The following STRIP2 variants were observed in gnomAD, a reference collection of about 807,000 sequenced individuals.
STRIP2 encodes the protein striatin interacting protein 2, also known as striatin-interacting protein 2.
A neutral mutation model predicts 107.1 loss-of-function variants in STRIP2; 84 were observed. The observed-to-expected ratio is 0.78, with a 90% CI of 0.66 to 0.94. The LOEUF (loss-of-function observed/expected upper bound fraction) is 0.94, where lower values mean the gene tolerates loss of function less well. Ranked by LOEUF, STRIP2 falls within the 40% of genes least tolerant of loss-of-function variation. STRIP2 has a pLI of 0.00. For synonymous variants in STRIP2, 394 were observed against 400.4 expected (o/e 0.98, Z 0.19); for missense variants, 888 against 1,034.2 (o/e 0.86, Z 1.94).
At position 129,453,293 on chromosome 7, in the gene STRIP2, T is replaced by G; in HGVS notation, c.476T>G (p.Leu159Arg). The change falls in exon 5 of 21, where the codon CTG becomes CGG. Residue 159 changes from leucine to arginine, a missense_variant. By Grantham distance (102) the Leu-to-Arg change is moderately radical. Coordinates refer to ENST00000249344, the MANE Select transcript of STRIP2 (RefSeq NM_020704.3). ...LHWSRYNCFL[L>R]YQMGTFSTFL... ...TGGTCCAGGTACAACTGCTTCCTGCTGTATCAGATGGGGACCTTCTCCACC... is the reference window on the plus strand; with the variant it reads ...TGGTCCAGGTACAACTGCTTCCTGCGGTATCAGATGGGGACCTTCTCCACC... The G allele has an allele frequency of 6.2e-7, 1 of 1,614,206 alleles. No homozygotes were observed. The highest frequency in any genetic ancestry group is 8.5e-7 in the Non-Finnish European group (1 of 1,180,030).
chr7:129,437,995 C>T (rs909148208), intron 1 of STRIP2, among the ~76,000 whole-genome samples: 1 of 152,140 alleles, frequency 6.6e-6, no homozygotes, highest in East Asian at 1.9e-4. Context: ...TTAGTGGAGA[C>T]GGGGTTTCAC....
rs1799106452 is a variant in STRIP2, at chr7:129,481,160, C to T, written c.2049+271C>T. On this transcript the variant is annotated intron_variant, in intron 19 of 20. Coordinates refer to ENST00000249344, the MANE Select transcript of STRIP2 (RefSeq NM_020704.3). Reference sequence around the variant, plus strand: ...ATGTTGTTTGGATTACATACATTCCCAAATGATGCAAGTGCAAGGTTTATC... The same window carrying T: ...ATGTTGTTTGGATTACATACATTCCTAAATGATGCAAGTGCAAGGTTTATC... Among the ~76,000 whole-genome samples the T allele has an allele frequency of 2.6e-5, 4 of 152,156 alleles. No homozygotes were observed. In the South Asian group the frequency reaches 8.3e-4, roughly 32 times the overall value.
Position 129,444,098 on chromosome 7 carries a change from G to A in STRIP2, c.274G>A (p.Val92Met). Residue 92 changes from valine (V) to methionine (M), a missense_variant and splice_region_variant, in exon 3 of 21, where the codon GTG becomes ATG. Coordinates refer to ENST00000249344, the MANE Select transcript of STRIP2 (RefSeq NM_020704.3). ...RCFEEDFKTQVQGKEWLELEE... is the reference protein window; with the variant it reads ...RCFEEDFKTQMQGKEWLELEE... ...CTTTGAAGAAGATTTCAAGACTCAA[G>A]GTAATTCCAGATCTTTACTCATAGA... 6.2e-7 allele frequency: 1 copy of A among 1,609,940 alleles called. No individual in the cohort carries two copies. Among genetic ancestry groups the A allele is most frequent in the Non-Finnish European group, 8.5e-7 (1 of 1,176,502 alleles).
chr7:129,443,890 G>A (rs1481881472), intron 2 of STRIP2, 134 bp from the exon 3 acceptor site: 1 of 703,774 alleles, frequency 1.4e-6, no homozygotes, highest in Non-Finnish European at 2.5e-6. Flanking sequence ...GCTCTGAAAA[G>A]GAGGAAGCTA....
chr7:129,481,871 TAAA>T (rs1195004440), intron 19 of STRIP2, among the ~76,000 whole-genome samples: 1 of 152,148 alleles, frequency 6.6e-6, no homozygotes, highest in Non-Finnish European at 1.5e-5. Context: ...CCATTTGTGT[TAAA>T]AAACAAAAGT....
At chr7:129,478,061 C>T (rs1046318546) in intron 18 of STRIP2, 3 of 339,174 alleles carry the variant, frequency 8.8e-6, no homozygotes, top group African/African-American at 2.2e-5. Context: ...GGTGGTGATA[C>T]GAAGAAATAG....
chr7:129,477,484 A>C (rs1017581099), intron 18 of STRIP2, among the ~76,000 whole-genome samples: 9 of 152,198 alleles, frequency 5.9e-5, no homozygotes, highest in African/African-American at 1.9e-4. Flanking sequence ...GGAGATTAGA[A>C]TCTCCAGGAT....
chr7:129,457,932 C>CA, intron 9 of STRIP2: 2 of 431,830 alleles, frequency 4.6e-6, no homozygotes, highest in South Asian at 4.2e-5. Flanking sequence ...AAAGTGCTGG[C>CA]AAAAAAAGGC....
chr7:129,464,074 G>A lies in STRIP2; in HGVS notation c.1582G>A (p.Ala528Thr), dbSNP rs200953224. Residue 528 changes from alanine (A) to threonine (T), a missense_variant, in exon 15 of 21, where the codon GCT becomes ACT. Ala to Thr is a moderately conservative substitution (Grantham distance 58). Coordinates refer to ENST00000249344, the MANE Select transcript of STRIP2 (RefSeq NM_020704.3). Reference sequence around the variant, plus strand: ...TCTGCTTAAGATTCTGCTGGCTGCAGCTCCCACCTCTAAGGCTAAGACAGA... The same window carrying A: ...TCTGCTTAAGATTCTGCTGGCTGCAACTCCCACCTCTAAGGCTAAGACAGA... Reference protein sequence around the residue: ...IALLKILLAAAPTSKAKTDSI... With the variant: ...IALLKILLAATPTSKAKTDSI... 1.6e-4 allele frequency: 251 copies of A among 1,613,574 alleles called. 3 individuals are homozygous for A. The South Asian group carries it at 2.6e-3, about 17-fold the overall frequency.
At chr7:129,437,329 C>G (rs979116255) in intron 1 of STRIP2, among the ~76,000 whole-genome samples, 2 of 152,002 alleles carry the variant, frequency 1.3e-5, no homozygotes, top group African/African-American at 4.8e-5. Context: ...CGCCTGTTGT[C>G]CCAGCTGCTC....
intron 3 of STRIP2, among the ~76,000 whole-genome samples, chr7:129,444,429 AG>A (rs1358692005): frequency 6.6e-5 from 10 of 152,308 alleles, no homozygotes; most frequent in African/African-American, 2.4e-4. Context: ...GTAGGCTGAA[AG>A]GCTAGGCCCA....
Position 129,483,535 on chromosome 7 carries a change from G to C in STRIP2, c.2254+489G>C, listed in dbSNP as rs954844987. The C allele has an allele frequency of 1.2e-5, 2 of 163,758 alleles. No individual in the cohort carries two copies. The highest frequency in any genetic ancestry group is 2.4e-5 in the African/African-American group (1 of 41,604). The allele number at this position is 163,758 out of a possible 1,614,324, so 10.1% of individuals were successfully genotyped here. Reference sequence around the variant, plus strand: ...GCATATTTTATCAAAATGAAAGCAAGTTATGTATGCTATTTTGTAATTTTC... The same window carrying C: ...GCATATTTTATCAAAATGAAAGCAACTTATGTATGCTATTTTGTAATTTTC... On this transcript the variant is annotated intron_variant, in intron 20 of 20. Transcript: ENST00000249344. This position sits in a 1 kb window ranked among gnomAD's most constrained non-coding sequence, Gnocchi z 5.1.
At position 129,454,504 on chromosome 7, in the gene STRIP2, G is replaced by A. The variant is rs778667266; in HGVS notation, c.683G>A (p.Arg228Gln). Residue 228 changes from arginine to glutamine, a missense_variant, in exon 7 of 21, where the codon CGG becomes CAG. Arg to Gln is a conservative substitution (Grantham distance 43). Coordinates refer to ENST00000249344, the MANE Select transcript of STRIP2 (RefSeq NM_020704.3). ...GACCCCTGTGGGTGGAGAACAGCCC[G>A]GGAGACCTTCCGCACTGAATTAAGT... The part of the protein sequence containing the change: ...ETDPCGWRTA[R>Q]ETFRTELSFS... 1.2e-5 allele frequency: 20 copies of A among 1,613,642 alleles called. No homozygotes were observed. The highest frequency in any genetic ancestry group is 1.4e-5 in the Non-Finnish European group (16 of 1,179,524).
chr7:129,481,999 C>G (rs1799129136), intron 19 of STRIP2, among the ~76,000 whole-genome samples: 1 of 151,654 alleles, frequency 6.6e-6, no homozygotes, highest in Non-Finnish European at 1.5e-5. Flanking sequence ...GAAACCCCAT[C>G]TCTACTAAAA....
Position 129,470,840 on chromosome 7 carries a change from T to C in STRIP2, c.1944+125T>C, listed in dbSNP as rs1004911692. ...AGAGTCTCAGATCAATGAAGGTATA[T>C]TGGCAAGAGCAGAGATGCAGCAGGG... On this transcript the variant is annotated intron_variant, in intron 18 of 20. Coordinates refer to ENST00000249344, the MANE Select transcript of STRIP2 (RefSeq NM_020704.3). The C allele has an allele frequency of 5.0e-6, 4 of 795,738 alleles. No homozygotes were observed. In the African/African-American group the frequency reaches 6.8e-5, roughly 13 times the overall value. 49.3% of individuals were successfully genotyped at this position (795,738 alleles called of 1,614,324 possible).
intron 8 of STRIP2, 51 bp from the exon 9 acceptor site, chr7:129,456,388 C>T (rs1218962410): frequency 6.4e-7 from 1 of 1,566,268 alleles, no homozygotes; most frequent in Non-Finnish European, 8.8e-7. Context: ...TTGGCTCTCT[C>T]TTACTTCCCT....
chr7:129,448,684 C>T (rs1798101446), intron 3 of STRIP2, among the ~76,000 whole-genome samples: 1 of 152,174 alleles, frequency 6.6e-6, no homozygotes, highest in Non-Finnish European at 1.5e-5. Flanking sequence ...CTGATTGCTC[C>T]TTTGCCTCTG....
At chr7:129,442,948 T>C (rs1797938939) in intron 2 of STRIP2, among the ~76,000 whole-genome samples, 1 of 152,192 alleles carries the variant, frequency 6.6e-6, no homozygotes. Flanking sequence ...TTTCAGTTCT[T>C]CATCTTCTGT....
chr7:129,452,189 A>T (rs1562899898), intron 4 of STRIP2, among the ~76,000 whole-genome samples: 1 of 152,198 alleles, frequency 6.6e-6, no homozygotes, highest in African/African-American at 2.4e-5. Flanking sequence ...TGAAAGTTCA[A>T]GCCAACATAA....
Sources: allele counts gnomAD v4.1 joint callset (sites outside exome capture counted in the v4.1 genomes callset), GRCh38; gene constraint gnomAD v4.1.1; non-coding constraint Gnocchi (gnomAD v3.1); transcripts MANE v1.5; gene names NCBI Gene and HGNC (gene_info 2026-07-23, HGNC 2026-07-21).